The following PRR14L variants were observed in gnomAD, a reference collection of about 807,000 sequenced individuals.
The protein encoded by PRR14L is protein PRR14L.
In PRR14L, 80 loss-of-function variants were observed where a neutral mutation model predicts 155.0. That is an observed-to-expected ratio of 0.52 (90% CI 0.43 to 0.62). PRR14L has a LOEUF of 0.62. Ranked by LOEUF, PRR14L falls within the 20% of genes least tolerant of loss-of-function variation. PRR14L has a pLI of 0.00. For missense variants in PRR14L, 2,469 were observed against 2,548.0 expected, an observed-to-expected ratio of 0.97 and a Z score of 0.67; for synonymous variants, 883 against 916.0, an observed-to-expected ratio of 0.96 and a Z score of 0.65.
At chr22:31,686,106 T>A (rs1241051513) in intron 8 of PRR14L, among the ~76,000 whole-genome samples, 2 of 151,322 alleles carry the variant, frequency 1.3e-5, no homozygotes, top group Non-Finnish European at 2.9e-5. Context: ...GGTTAATTTT[T>A]TTTTTTTTTT....
At chr22:31,736,616 G>A (rs2074783168) in intron 2 of PRR14L, among the ~76,000 whole-genome samples, 1 of 152,122 alleles carries the variant, frequency 6.6e-6, no homozygotes, top group Admixed American at 6.6e-5. Context: ...AGCAGGGGTT[G>A]GCAAACCACA....
chr22:31,729,926 C>G (rs1256758739), intron 2 of PRR14L, among the ~76,000 whole-genome samples: 1 of 152,042 alleles, frequency 6.6e-6, no homozygotes, highest in African/African-American at 2.4e-5. Flanking sequence ...GTAATCCCAG[C>G]ACTATGGGAG....
At chr22:31,721,024 A>G (rs1360687473) in intron 3 of PRR14L, among the ~76,000 whole-genome samples, 1 of 152,266 alleles carries the variant, frequency 6.6e-6, no homozygotes, top group East Asian at 1.9e-4. Context: ...GAAAAACAAG[A>G]TAAAACAAAT....
chr22:31,692,023 A>C (rs575325902), intron 7 of PRR14L, among the ~76,000 whole-genome samples: 1 of 150,992 alleles, frequency 6.6e-6, no homozygotes, highest in Admixed American at 6.6e-5. Context: ...ACGCACCACC[A>C]CTCCTGGCTA....
rs1184295715 is a variant in PRR14L, at chr22:31,713,292, A to G, written c.4547T>C (p.Leu1516Pro). The change falls in exon 4 of 9, where the codon CTT becomes CCT. Residue 1516 changes from leucine to proline, a missense_variant. Physicochemically the swap from Leu to Pro is moderately conservative, Grantham distance 98. Coordinates refer to ENST00000327423, the MANE Select transcript of PRR14L (RefSeq NM_173566.3). ...IHGAFAKKGVLPLKKQPHRTC... is the reference protein window; with the variant it reads ...IHGAFAKKGVPPLKKQPHRTC... ...TCGATGGGGCTGCTTCTTTAAGGGAAGAACTCCTTTCTTCGCAAAGGCACC... is the reference window on the plus strand; with the variant it reads ...TCGATGGGGCTGCTTCTTTAAGGGAGGAACTCCTTTCTTCGCAAAGGCACC... 1 of 1,552,306 alleles carries G rather than the reference A, an allele frequency of 6.4e-7. No individual in the cohort carries two copies. Among genetic ancestry groups the G allele is most frequent in the Non-Finnish European group, 8.7e-7 (1 of 1,147,128 alleles).
intron 7 of PRR14L, 80 bp downstream of exon 7, chr22:31,701,576 G>A: frequency 1.3e-6 from 1 of 774,588 alleles, no homozygotes; most frequent in Non-Finnish European, 2.2e-6. Flanking sequence ...CAGAGTGTAG[G>A]ACCATTTAAA....
chr22:31,745,857 A>ATATAT (rs1169875448), intron 1 of PRR14L, among the ~76,000 whole-genome samples: 5 of 143,398 alleles, frequency 3.5e-5, no homozygotes, highest in African/African-American at 1.3e-4. Flanking sequence ...AAAAAAAAAA[A>ATATAT]AAAAATATAT....
At chr22:31,720,159 G>A (rs131230) in intron 3 of PRR14L, among the ~76,000 whole-genome samples, 1,673 of 152,288 alleles carry the variant, frequency 0.011, 32 homozygotes, top group African/African-American at 0.038. Context: ...ATGTGGGACA[G>A]TGCCTGCTAT....
chr22:31,704,871 C>T (rs5998099), intron 4 of PRR14L, 145 bp from the exon 5 acceptor site: 40,935 of 592,220 alleles, frequency 0.069, 1,808 homozygotes, highest in Admixed American at 0.15. Flanking sequence ...GCTTTCCAAC[C>T]AGGAGAGTTA....
chr22:31,725,497 C>T (rs1189930133), intron 3 of PRR14L, 41 bp downstream of exon 3: 4 of 1,296,166 alleles, frequency 3.1e-6, no homozygotes, highest in Non-Finnish European at 4.4e-6. Flanking sequence ...ACAGTATTTG[C>T]AGTAAGTGGA....
intron 1 of PRR14L, among the ~76,000 whole-genome samples, chr22:31,744,888 G>C (rs900704991): frequency 2.0e-5 from 3 of 152,148 alleles, no homozygotes; most frequent in Non-Finnish European, 4.4e-5. Context: ...TGATACTCTT[G>C]TTTGGACCAA....
chr22:31,728,841 A>G (rs1321348628), intron 2 of PRR14L, among the ~76,000 whole-genome samples: 2 of 152,122 alleles, frequency 1.3e-5, no homozygotes, highest in African/African-American at 4.8e-5. Context: ...ATTATGGGGA[A>G]AAAAATATGT....
chr22:31,732,927 T>C (rs1171872253), intron 2 of PRR14L, among the ~76,000 whole-genome samples: 1 of 152,166 alleles, frequency 6.6e-6, no homozygotes, highest in East Asian at 1.9e-4. Context: ...ATTTTGCAAT[T>C]AAAAACTGCT....
rs117519233 is a variant in PRR14L at position 31,717,178 on chromosome 22, T to G, written c.661A>C (p.Ser221Arg). 0.02 allele frequency: 30,605 copies of G among 1,552,258 alleles called. 819 individuals carry two copies. Among genetic ancestry groups the G allele is most frequent in the Admixed American group, 0.14 (7,129 of 50,992 alleles). The part of the protein sequence containing the change: ...NNEGHKNGNV[S>R]KDLSAGCGEF... ...CCGCATCCAGCTGAGAGATCTTTAC[T>G]CACATTGCCATTTTTGTGTCCTTCA... Residue 221 changes from serine to arginine, a missense_variant, in exon 4 of 9, where the codon AGT becomes CGT. By Grantham distance (110) the Ser-to-Arg change is moderately radical (BLOSUM62 -1). Around this residue, in one of 2 missense-constraint regions of PRR14L, gnomAD observed 2,363 missense variants for 2,371.6 expected, o/e 1.00. Transcript: ENST00000327423.
intron 2 of PRR14L, among the ~76,000 whole-genome samples, chr22:31,727,050 C>T (rs1864507328): frequency 6.6e-6 from 1 of 152,122 alleles, no homozygotes; most frequent in South Asian, 2.1e-4. Flanking sequence ...CTTCAGATCC[C>T]AAAGGTCTCT....
At chr22:31,740,092 GCT>G (rs2074804453) in intron 1 of PRR14L, among the ~76,000 whole-genome samples, 1 of 151,920 alleles carries the variant, frequency 6.6e-6, no homozygotes, top group Non-Finnish European at 1.5e-5. Context: ...ACAGGATCTT[GCT>G]CTGTCACCCA....
In PRR14L at chr22:31,716,857, C is replaced by A; in HGVS notation, c.982G>T (p.Asp328Tyr). The change falls in exon 4 of 9, where the codon GAT (aspartate) becomes TAT (tyrosine). Residue 328 changes from aspartate to tyrosine, a missense_variant. By Grantham distance (160) the Asp-to-Tyr change is radical. Around this residue, in one of 2 missense-constraint regions of PRR14L, gnomAD observed 2,363 missense variants for 2,371.6 expected, o/e 1.00. Coordinates refer to ENST00000327423, the MANE Select transcript of PRR14L (RefSeq NM_173566.3). ...HHNEQPSSTH[D>Y]SPTATSPLKE... The stretch of plus-strand genomic sequence containing the variant: ...AAAGGGCTTGTGGCTGTGGGACTAT[C>A]ATGTGTAGAACTGGGTTGTTCATTA... 6.4e-7 allele frequency: 1 copy of A among 1,551,880 alleles called. No individual in the cohort carries two copies. The highest frequency in any genetic ancestry group is 1.2e-5 in the South Asian group (1 of 84,048).
rs373218501 is a variant in PRR14L, at chr22:31,712,881, C to G, written c.4958G>C (p.Arg1653Pro). ...ELLPMAKSYKRLRYKRLLDGF... is the reference protein window; with the variant it reads ...ELLPMAKSYKPLRYKRLLDGF... The stretch of plus-strand genomic sequence containing the variant: ...GTCCAGGAGTCTTTTATATCTGAGG[C>G]GCTTGTAGCTTTTAGCCATTGGAAG... Residue 1653 changes from arginine (R) to proline (P), a missense_variant, in exon 4 of 9, where the codon CGC becomes CCC. Around this residue, in one of 2 missense-constraint regions of PRR14L, gnomAD observed 2,363 missense variants for 2,371.6 expected, o/e 1.00. Coordinates refer to ENST00000327423, the MANE Select transcript of PRR14L (RefSeq NM_173566.3). 3 of 1,551,862 alleles carry G rather than the reference C, an allele frequency of 1.9e-6. No homozygotes were observed. The East Asian group carries it at 7.3e-5, about 38-fold the overall frequency.
intron 1 of PRR14L, among the ~76,000 whole-genome samples, chr22:31,746,734 C>T (rs1009241143): frequency 4.0e-5 from 6 of 151,444 alleles, no homozygotes; most frequent in Non-Finnish European, 5.9e-5. Flanking sequence ...AATTCTTTTA[C>T]GTTGAGGACA....
Sources: gnomAD v4.1 joint callset for allele counts (sites outside exome capture counted in the v4.1 genomes callset) on GRCh38, gnomAD v4.1.1 for gene constraint, gnomAD v4.1.1 regional missense constraint, MANE v1.5 for transcripts, NCBI Gene and HGNC (gene_info 2026-07-23, HGNC 2026-07-21) for gene names.